The following EDA variants were observed in gnomAD, a reference collection of about 807,000 sequenced individuals.
The protein encoded by EDA is ectodysplasin-A.
A neutral mutation model predicts 23.6 loss-of-function variants in EDA; 2 were observed. The observed-to-expected ratio is 0.08, with a 90% CI of 0.03 to 0.27. EDA has a LOEUF of 0.27. Among genes scored for constraint, EDA ranks in the 10% least tolerant of loss-of-function variants. The pLI is 1.00. For missense variants in EDA, 229 were observed against 324.2 expected (o/e 0.71, Z 2.26); for synonymous variants, 131 against 132.0 (o/e 0.99, Z 0.05).
intron 1 of EDA, among the ~76,000 whole-genome samples, chrX:69,684,261 G>GAGAC (rs1313766932): frequency 1.8e-5 from 2 of 111,794 alleles, no homozygotes; most frequent in African/African-American, 3.3e-5. Context: ...GTAGGAGGGA[G>GAGAC]AGACAGCTGA....
At position 69,662,353 on chromosome X, in the gene EDA, A is replaced by AAAG. The variant is rs1255614916; in HGVS notation, c.396+45649_396+45650insAAG. 2.0e-4 allele frequency among the ~76,000 whole-genome samples: 9 copies of AAAG among 45,158 alleles called. No homozygotes were observed. In the Admixed American group the frequency reaches 2.4e-3, roughly 12 times the overall value. The allele number at this position is 45,158 out of a possible 115,157, so 39.2% of individuals were successfully genotyped here. ...AGGTCTTTCCTGTGCTGTTCTCATGATAGTGAGTTCTCATGAGATCTGATG... is the reference window on the plus strand; with the variant it reads ...AGGTCTTTCCTGTGCTGTTCTCATGAAAGTAGTGAGTTCTCATGAGATCTGATG... On this transcript the variant is annotated intron_variant, in intron 1 of 7. Coordinates refer to ENST00000374552, the MANE Select transcript of EDA (RefSeq NM_001399.5).
chrX:69,737,037 G>T lies in EDA; in HGVS notation c.396+120333G>T, dbSNP rs773036145. Among the ~76,000 whole-genome samples, 112 of 111,096 alleles carry T rather than the reference G, an allele frequency of 1.0e-3. 1 individual carries two copies. Among genetic ancestry groups the T allele is most frequent in the South Asian group, 5.7e-3 (15 of 2,610 alleles). On this transcript the variant is annotated intron_variant, in intron 1 of 7. Transcript: ENST00000374552. ...TCCACCCATCTCGGCCTCCCAAAGT[G>T]CAGGGATTACAGGCTTGAGCTACTG...
At chrX:69,620,006 T>C (rs530231499) in intron 1 of EDA, among the ~76,000 whole-genome samples, 1 of 111,766 alleles carries the variant, frequency 8.9e-6, no homozygotes, top group Non-Finnish European at 1.9e-5. Flanking sequence ...AAAAACCCCA[T>C]TAAATTGATC....
chrX:70,018,477 A>T (rs760305865), intron 2 of EDA, among the ~76,000 whole-genome samples: 1 of 112,311 alleles, frequency 8.9e-6, no homozygotes, highest in African/African-American at 3.2e-5. Context: ...TACCCAAAAC[A>T]GTATGGTACA....
At chrX:69,678,669 T>C (rs988182269) in intron 1 of EDA, among the ~76,000 whole-genome samples, 6 of 106,431 alleles carry the variant, frequency 5.6e-5, no homozygotes, top group African/African-American at 2.1e-4. Context: ...TGTACATTGA[T>C]TTTGTATCCT....
chrX:69,734,986 A>G (rs1368715430), intron 1 of EDA, among the ~76,000 whole-genome samples: 1 of 111,486 alleles, frequency 9.0e-6, no homozygotes, highest in Non-Finnish European at 1.9e-5. Context: ...ATTTAAAAAT[A>G]GAGCTACCCT....
intron 2 of EDA, among the ~76,000 whole-genome samples, chrX:70,011,344 T>A (rs1228438764): frequency 2.8e-5 from 3 of 109,037 alleles, no homozygotes; most frequent in Non-Finnish European, 5.7e-5. Flanking sequence ...TTTTTTTTTT[T>A]TTTGGAGACA....
intron 1 of EDA, among the ~76,000 whole-genome samples, chrX:69,824,080 A>G (rs1478502800): frequency 5.0e-5 from 5 of 99,827 alleles, no homozygotes; most frequent in Non-Finnish European, 1.0e-4. Context: ...TACCAGTACC[A>G]TGCTGTTTTG....
chrX:69,900,149 T>C (rs1297524603), intron 1 of EDA, among the ~76,000 whole-genome samples: 2 of 110,354 alleles, frequency 1.8e-5, no homozygotes, highest in Non-Finnish European at 3.8e-5. Context: ...CCTTTATTAT[T>C]ATCATTCTTG....
chrX:69,980,977 G>A (rs1018426828), intron 2 of EDA, among the ~76,000 whole-genome samples: 4 of 112,027 alleles, frequency 3.6e-5, no homozygotes, highest in African/African-American at 1.3e-4. Context: ...GGGCAGGCTG[G>A]GCTTTCTGTA....
At chrX:70,023,102 G>A in intron 2 of EDA, 116 bp from the exon 3 acceptor site, 1 of 428,973 alleles carries the variant, frequency 2.3e-6, no homozygotes, top group Non-Finnish European at 4.0e-6. Context: ...ACCCTTGGCT[G>A]TGAGACTCCC....
chrX:69,659,937 G>A (rs1003364546), intron 1 of EDA, among the ~76,000 whole-genome samples: 4 of 111,166 alleles, frequency 3.6e-5, no homozygotes, highest in South Asian at 3.8e-4. Context: ...CGATTCTGAC[G>A]CACAGCCAAG....
intron 1 of EDA, among the ~76,000 whole-genome samples, chrX:69,902,869 G>A (rs2018118508): frequency 9.0e-6 from 1 of 111,391 alleles, no homozygotes; most frequent in Non-Finnish European, 1.9e-5. Flanking sequence ...CTCTCCCCAT[G>A]GAGCTAGCAA....
At chrX:69,636,812 T>A (rs1932782387) in intron 1 of EDA, among the ~76,000 whole-genome samples, 1 of 111,321 alleles carries the variant, frequency 9.0e-6, no homozygotes, top group East Asian at 2.8e-4. Context: ...CCTGGACTTA[T>A]GTGAAGTGAA....
chrX:69,794,729 A>G (rs772639571), intron 1 of EDA, among the ~76,000 whole-genome samples: 31 of 112,346 alleles, frequency 2.8e-4, no homozygotes, highest in Non-Finnish European at 5.4e-4. Flanking sequence ...ATTAGATTCA[A>G]TAGATATTTG....
chrX:70,003,924 A>G (rs1365973089), intron 2 of EDA, among the ~76,000 whole-genome samples: 1 of 111,599 alleles, frequency 9.0e-6, no homozygotes, highest in Non-Finnish European at 1.9e-5. Flanking sequence ...AGTGTGAAAA[A>G]CACTGCATGA....
intron 1 of EDA, among the ~76,000 whole-genome samples, chrX:69,782,105 C>T (rs1162618870): frequency 9.2e-6 from 1 of 108,973 alleles, no homozygotes; most frequent in Non-Finnish European, 1.9e-5. Context: ...GTAGCTACAC[C>T]CAAGTCAACC....
At chrX:69,825,786 A>T (rs1381216956) in intron 1 of EDA, among the ~76,000 whole-genome samples, 11 of 110,346 alleles carry the variant, frequency 1.0e-4, no homozygotes, top group African/African-American at 3.6e-4. Context: ...TTTAATTGTG[A>T]TGTTAGGGTG....
intron 1 of EDA, among the ~76,000 whole-genome samples, chrX:69,849,080 TATACACACACACACACACACACACAC>T (rs1408880677): frequency 4.6e-4 from 39 of 84,723 alleles, no homozygotes; most frequent in African/African-American, 7.8e-4. Flanking sequence ...ACAAAGTCTA[TATACACACACACACACACACACACAC>T]ACACACACAC....
Sources: gnomAD v4.1 joint callset for allele counts (sites outside exome capture counted in the v4.1 genomes callset) on GRCh38, gnomAD v4.1.1 for gene constraint, MANE v1.5 for transcripts, NCBI Gene and HGNC (gene_info 2026-07-23, HGNC 2026-07-21) for gene names.